The following CHN1 variants were observed in gnomAD, a reference collection of about 807,000 sequenced individuals.
CHN1 encodes the protein chimerin 1.
CHN1 carries 37 observed loss-of-function variants against 59.5 expected under a neutral mutation model. That is an observed-to-expected ratio of 0.62 (90% CI 0.48 to 0.82). The LOEUF is 0.82. Among genes scored for constraint, CHN1 ranks in the 40% least tolerant of loss-of-function variants. The pLI, the probability that CHN1 is intolerant of heterozygous loss-of-function variation, is 0.00. For synonymous variants in CHN1, 206 were observed against 200.4 expected, an observed-to-expected ratio of 1.03 and a Z score of -0.24; for missense variants, 469 against 571.0, an observed-to-expected ratio of 0.82 and a Z score of 1.82.
chr2:174,803,211 A>G (rs1264910448), intron 11 of CHN1, among the ~76,000 whole-genome samples: 1 of 152,216 alleles, frequency 6.6e-6, no homozygotes, highest in East Asian at 1.9e-4. Context: ...CTCAATAGTA[A>G]TGAATTGAAG....
chr2:174,894,572 C>A (rs1330999073), intron 5 of CHN1, among the ~76,000 whole-genome samples: 1 of 137,850 alleles, frequency 7.3e-6, no homozygotes, highest in African/African-American at 2.9e-5. Context: ...AGGTTCCTCA[C>A]AAAATTAAAA....
chr2:174,856,569 G>A (rs1178499019), intron 6 of CHN1, among the ~76,000 whole-genome samples: 1 of 152,112 alleles, frequency 6.6e-6, no homozygotes, highest in East Asian at 1.9e-4. Flanking sequence ...AGAAATATGA[G>A]AAATTCTCCA....
At chr2:174,868,916 A>C (rs887059426) in intron 6 of CHN1, among the ~76,000 whole-genome samples, 13 of 152,172 alleles carry the variant, frequency 8.5e-5, no homozygotes, top group Non-Finnish European at 1.5e-5. Context: ...TGCAGAAATG[A>C]TAGTTTTTCT....
chr2:175,003,194 A>T (rs1377229148), intron 1 of CHN1, among the ~76,000 whole-genome samples: 1 of 152,236 alleles, frequency 6.6e-6, no homozygotes, highest in African/African-American at 2.4e-5. Flanking sequence ...TAGCCTCTGC[A>T]CTCAAGAGTG....
intron 1 of CHN1, among the ~76,000 whole-genome samples, chr2:174,969,300 C>G (rs1690683145): frequency 6.6e-6 from 1 of 152,170 alleles, no homozygotes; most frequent in Non-Finnish European, 1.5e-5. Context: ...TTAAAGAAGA[C>G]CACAACAGTG....
intron 6 of CHN1, among the ~76,000 whole-genome samples, chr2:174,866,044 G>T (rs1687207075): frequency 1.3e-5 from 2 of 152,172 alleles, no homozygotes; most frequent in South Asian, 4.1e-4. Flanking sequence ...TAAAAAGTTG[G>T]TTATTTTTCT....
chr2:174,809,703 C>A (rs1400970794), intron 10 of CHN1, among the ~76,000 whole-genome samples: 1 of 152,142 alleles, frequency 6.6e-6, no homozygotes, highest in Non-Finnish European at 1.5e-5. Flanking sequence ...AATCTGATAT[C>A]CACATACTAC....
intron 10 of CHN1, 52 bp from the exon 11 acceptor site, chr2:174,809,094 GTT>G (rs1237403715): frequency 1.4e-6 from 2 of 1,474,032 alleles, no homozygotes; most frequent in East Asian, 4.6e-5. Flanking sequence ...TCACAGCACT[GTT>G]TTAATGAATG....
At chr2:174,917,890 G>A (rs539320280) in intron 4 of CHN1, among the ~76,000 whole-genome samples, 3 of 152,142 alleles carry the variant, frequency 2.0e-5, no homozygotes, top group East Asian at 1.9e-4. Flanking sequence ...CTACATTTCT[G>A]TTTTTCAATA....
intron 1 of CHN1, among the ~76,000 whole-genome samples, chr2:174,958,169 G>A (rs998965199): frequency 2.3e-5 from 3 of 128,004 alleles, no homozygotes; most frequent in Non-Finnish European, 4.8e-5. Flanking sequence ...GACAGGAGGA[G>A]AGAAGGAAGG....
chr2:174,905,848 G>A (rs570023294), intron 5 of CHN1, among the ~76,000 whole-genome samples: 8 of 152,214 alleles, frequency 5.3e-5, no homozygotes, highest in South Asian at 4.2e-4. Context: ...GTGAGCCACC[G>A]CGCCCAGCCA....
intron 7 of CHN1, 21 bp from the exon 8 acceptor site, chr2:174,824,539 C>T: frequency 1.1e-5 from 17 of 1,535,228 alleles, no homozygotes; most frequent in Non-Finnish European, 1.5e-5. Flanking sequence ...AAAAGAGGGG[C>T]AAAGTCAGGA....
chr2:174,825,395 C>T (rs1419690881), intron 7 of CHN1, among the ~76,000 whole-genome samples: 1 of 152,184 alleles, frequency 6.6e-6, no homozygotes, highest in Non-Finnish European at 1.5e-5. Flanking sequence ...TACAGTTTAT[C>T]AGGAACCTCG....
chr2:174,931,484 T>TCC (rs1689346107), intron 3 of CHN1, among the ~76,000 whole-genome samples: 3 of 152,180 alleles, frequency 2.0e-5, no homozygotes, highest in Admixed American at 1.3e-4. Flanking sequence ...ACATTGTACC[T>TCC]CCCATCCATT....
intron 5 of CHN1, among the ~76,000 whole-genome samples, chr2:174,896,859 T>C (rs552690515): frequency 6.6e-6 from 1 of 152,316 alleles, no homozygotes; most frequent in South Asian, 2.1e-4. Context: ...GGTTAATGAA[T>C]ATCACCACCA....
chr2:174,846,217 T>C (rs1419527792), intron 7 of CHN1: 4 of 1,443,776 alleles, frequency 2.8e-6, no homozygotes, highest in Non-Finnish European at 3.7e-6. Flanking sequence ...TAGATCTACA[T>C]ACAGCTTGAA....
In CHN1 at chr2:174,812,352, C is replaced by T; in HGVS notation, c.843G>A (p.Arg281=). 1 of 1,613,870 alleles carries T rather than the reference C, an allele frequency of 6.2e-7. No homozygotes were observed. Among genetic ancestry groups the T allele is most frequent in the South Asian group, 1.1e-5 (1 of 91,040 alleles). ...TTLVKAHTTK[R]PMVVDMCIRE... ...TGATGCACATGTCTACCACCATTGG[C>T]CGCTTAGTGGTATGTGCTTTCACGA... Residue 281 remains arginine, a synonymous_variant, in exon 9 of 13, where the codon CGG becomes CGA. Coordinates refer to ENST00000409900, the MANE Select transcript of CHN1 (RefSeq NM_001822.7).
chr2:174,936,701 A>T (rs1689507718), intron 3 of CHN1, among the ~76,000 whole-genome samples: 1 of 152,182 alleles, frequency 6.6e-6, no homozygotes, highest in Admixed American at 6.5e-5. Context: ...AAAAATATGT[A>T]CCATTACTTT....
At chr2:174,986,783 C>T (rs1300828358) in intron 1 of CHN1, among the ~76,000 whole-genome samples, 1 of 152,254 alleles carries the variant, frequency 6.6e-6, no homozygotes, top group African/African-American at 2.4e-5. Flanking sequence ...GTTGCCCAGG[C>T]TGGAGTGCAA....
Sources: allele counts gnomAD v4.1 joint callset (sites outside exome capture counted in the v4.1 genomes callset), GRCh38; gene constraint gnomAD v4.1.1; transcripts MANE v1.5; gene names NCBI Gene and HGNC (gene_info 2026-07-23, HGNC 2026-07-21).